Variants in SLC44A2 observed in about 807,000 individuals in gnomAD.
SLC44A2 encodes choline transporter-like protein 2.
A neutral mutation model predicts 90.8 loss-of-function variants in SLC44A2; 57 were observed. The ratio of observed to expected loss-of-function variants is 0.63; its 90% CI spans 0.51 to 0.78. The LOEUF (loss-of-function observed/expected upper bound fraction) is 0.78, where lower values mean the gene tolerates loss of function less well. SLC44A2 is among the 30% of genes least tolerant of loss of function. The pLI is 0.00. For missense variants in SLC44A2, 794 were observed against 919.7 expected (o/e 0.86, Z 1.77); for synonymous variants, 355 against 360.7 (o/e 0.98, Z 0.18).
rs2067072296 is a variant in SLC44A2, at chr19:10,637,639, TC to T, written c.1592-3del. 3.1e-6 allele frequency: 5 copies of T among 1,612,810 alleles called. No individual in the cohort carries two copies. Among genetic ancestry groups the T allele is most frequent in the Non-Finnish European group, 4.2e-6 (5 of 1,178,994 alleles). ...CACTTCCACATCCCTTCCCTTCTCT[TC>T]CAGCTGCAGAGAACAAGTTTGCCAA... On this transcript the variant is annotated splice_region_variant and splice_polypyrimidine_tract_variant and intron_variant, in intron 16 of 21. Coordinates refer to ENST00000335757, the MANE Select transcript of SLC44A2 (RefSeq NM_020428.4).
intron 16 of SLC44A2, chr19:10,637,063 A>T: frequency 3.2e-6 from 1 of 308,716 alleles, no homozygotes; most frequent in South Asian, 5.6e-5. Context: ...CAGGAATAAG[A>T]CTGGTTTATT....
chr19:10,602,532 T>G, exon 1 of SLC44A2: 1 of 1,277,722 alleles, frequency 7.8e-7, no homozygotes, highest in African/African-American at 1.5e-5. Flanking sequence ...GCCGCGGCCA[T>G]GGAGGACGAG....
Position 10,632,164 on chromosome 19 carries a change from A to T in SLC44A2, c.823+8A>T, listed in dbSNP as rs368562114. On this transcript the variant is annotated splice_region_variant and intron_variant, in intron 10 of 21. Transcript: ENST00000335757. ...TTCTGGTGCTGGGCTACGGTGCGTC[A>T]CCCCCTCCCTGTGGCTTCTCTTTCC... is the stretch of plus-strand genomic sequence containing the variant. The T allele has an allele frequency of 7.2e-5, 115 of 1,606,976 alleles. No homozygotes were observed. The Middle Eastern group carries it at 1.0e-3, about 14-fold the overall frequency.
intron 1 of SLC44A2, among the ~76,000 whole-genome samples, chr19:10,604,150 AGTAGTCAAGGGAAGGAATGT>A (rs1418717557): frequency 6.6e-6 from 1 of 152,200 alleles, no homozygotes; most frequent in Non-Finnish European, 1.5e-5. Flanking sequence ...GACCGCAGGG[AGTAGTCAAGGGAAGGAATGT>A]GTAATTTTAG....
At chr19:10,635,657 G>A (rs1599254868) in intron 14 of SLC44A2, 142 bp downstream of exon 14, 1 of 713,452 alleles carries the variant, frequency 1.4e-6, no homozygotes. Flanking sequence ...AGGACGCACA[G>A]TGGGGAAGAG....
intron 12 of SLC44A2, 44 bp downstream of exon 12, chr19:10,635,117 G>A: frequency 2.5e-6 from 4 of 1,613,730 alleles, no homozygotes; most frequent in Non-Finnish European, 3.4e-6. Flanking sequence ...GCTGTCCCTA[G>A]AGTTGTGTCT....
rs754691833 is a variant in SLC44A2 at position 10,627,920 on chromosome 19, C to G, written c.161C>G (p.Ala54Gly). The G allele has an allele frequency of 1.9e-6, 3 of 1,613,996 alleles. No individual in the cohort carries two copies. Among genetic ancestry groups the G allele is most frequent in the Non-Finnish European group, 2.5e-6 (3 of 1,179,964 alleles). ...IVGYVAVGII[A>G]WTHGDPRKVI... Reference sequence around the variant, plus strand: ...TCAGTATCCCTGGATCTTTCCACAGCCTGGACTCATGGAGACCCTCGAAAG... The same window carrying G: ...TCAGTATCCCTGGATCTTTCCACAGGCTGGACTCATGGAGACCCTCGAAAG... Residue 54 changes from alanine (A) to glycine (G), a missense_variant and splice_region_variant, in exon 4 of 22, where the codon GCC becomes GGC. By Grantham distance (60) the Ala-to-Gly change is moderately conservative. This residue lies in a region of SLC44A2 where 738 missense variants were observed against 841.1 expected (regional missense o/e 0.88). Transcript: ENST00000335757.
At chr19:10,638,382 T>C in intron 20 of SLC44A2, 67 bp downstream of exon 20, 1 of 1,412,878 alleles carries the variant, frequency 7.1e-7, no homozygotes. Context: ...TTGGTCTTCT[T>C]TGACTAGATA....
At chr19:10,605,179 G>A (rs920778621) in intron 1 of SLC44A2, among the ~76,000 whole-genome samples, 2 of 151,968 alleles carry the variant, frequency 1.3e-5, no homozygotes, top group East Asian at 1.9e-4. Context: ...TCAGGAGATC[G>A]AGACAATCCT....
chr19:10,643,033 T>A, intron 21 of SLC44A2: 1 of 1,499,894 alleles, frequency 6.7e-7, no homozygotes, highest in Non-Finnish European at 8.8e-7. Flanking sequence ...TGAGGGAGAC[T>A]GGCGTGGGGG....
At position 10,634,807 on chromosome 19, in the gene SLC44A2, C is replaced by T; in HGVS notation, c.875C>T (p.Ser292Phe). The change falls in exon 11 of 22, where the codon TCT becomes TTT. Residue 292 changes from serine to phenylalanine, a missense_variant. Transcript: ENST00000335757. ...EYSRLRGEAG[S>F]DVSLVDLGFQ... ...TCCCGACTGCGTGGTGAGGCCGGCT[C>T]TGATGTCTCTTTGGTGGACCTCGGC... 6.2e-7 allele frequency: 1 copy of T among 1,614,176 alleles called. No homozygotes were observed. The highest frequency in any genetic ancestry group is 8.5e-7 in the Non-Finnish European group (1 of 1,180,046).
chr19:10,632,834 G>A (rs2067012264), intron 10 of SLC44A2, among the ~76,000 whole-genome samples: 1 of 151,806 alleles, frequency 6.6e-6, no homozygotes, highest in South Asian at 2.1e-4. Context: ...CTCCATGCCC[G>A]GCTGATTTCG....
chr19:10,627,594 ACGG>A, intron 2 of SLC44A2, 125 bp from the exon 3 acceptor site: 2 of 821,368 alleles, frequency 2.4e-6, no homozygotes, highest in East Asian at 2.5e-5. Context: ...GCCCTTTGGT[ACGG>A]CATTCAAACG....
chr19:10,619,833 T>C (rs575647822), intron 1 of SLC44A2, among the ~76,000 whole-genome samples: 136 of 152,190 alleles, frequency 8.9e-4, no homozygotes, highest in African/African-American at 2.7e-3. Flanking sequence ...CGTGCACCTG[T>C]AGTCCCAGCT....
In SLC44A2 at chr19:10,636,769, C is replaced by T. The variant is rs1237379032; in HGVS notation, c.1591+13C>T. The T allele has an allele frequency of 6.2e-7, 1 of 1,610,640 alleles. No individual in the cohort carries two copies. The highest frequency in any genetic ancestry group is 1.1e-5 in the South Asian group (1 of 90,450). On this transcript the variant is annotated intron_variant, in intron 16 of 21. Coordinates refer to ENST00000335757, the MANE Select transcript of SLC44A2 (RefSeq NM_020428.4). The stretch of plus-strand genomic sequence containing the variant: ...CAGCGGCTGAAAGGTACGTCCCACC[C>T]ACGGTTCGCATTAGCTCCTGTTGCG...
chr19:10,614,277 G>GT (rs1371787382), intron 1 of SLC44A2, among the ~76,000 whole-genome samples: 1 of 151,910 alleles, frequency 6.6e-6, no homozygotes, highest in Non-Finnish European at 1.5e-5. Flanking sequence ...ATAAATTTGT[G>GT]TTTTTTTAAG....
At position 10,631,546 on chromosome 19, in the gene SLC44A2, G is replaced by A. The variant is rs1039168030; in HGVS notation, c.502+11G>A. ...TCCCCAGCAAACCCTGTGAGTCAGGGGATCCCAGGAGGCTCAGGTGGTGAC... is the reference window on the plus strand; with the variant it reads ...TCCCCAGCAAACCCTGTGAGTCAGGAGATCCCAGGAGGCTCAGGTGGTGAC... On this transcript the variant is annotated intron_variant, in intron 7 of 21. Transcript: ENST00000335757. 1 of 1,613,888 alleles carries A rather than the reference G, an allele frequency of 6.2e-7. No homozygotes were observed.
rs374709380 is a variant in SLC44A2 at position 10,637,719 on chromosome 19, A to C, written c.1667A>C (p.Lys556Thr). ...CCFWCLEKFI[K>T]FLNRNAYIMI... is the part of the protein sequence containing the mutation. ...TTCTGGTGCCTGGAGAAGTTCATCA[A>C]ATTCCTTAATAGGAATGCCTACATC... The change falls in exon 17 of 22, where the codon AAA (lysine) becomes ACA (threonine). Residue 556 changes from lysine to threonine, a missense_variant. Physicochemically the swap from Lys to Thr is moderately conservative, Grantham distance 78. Around this residue, in one of 3 missense-constraint regions of SLC44A2, gnomAD observed 738 missense variants for 841.1 expected, o/e 0.88. Coordinates refer to ENST00000335757, the MANE Select transcript of SLC44A2 (RefSeq NM_020428.4). 10 of 1,614,020 alleles carry C rather than the reference A, an allele frequency of 6.2e-6. No homozygotes were observed. In the South Asian group the frequency reaches 7.7e-5, roughly 12 times the overall value.
chr19:10,623,155 A>G (rs1194215911), upstream of SLC44A2, among the ~76,000 whole-genome samples: 1 of 152,032 alleles, frequency 6.6e-6, no homozygotes, highest in Non-Finnish European at 1.5e-5. Context: ...GGGTGGGACC[A>G]GCCAGCCTTT....
Sources: allele counts gnomAD v4.1 joint callset (sites outside exome capture counted in the v4.1 genomes callset), GRCh38; gene constraint gnomAD v4.1.1; regional missense constraint gnomAD v4.1.1; transcripts MANE v1.5; gene names NCBI Gene and HGNC (gene_info 2026-07-23, HGNC 2026-07-21).